ROBO2: variants seen among roughly 807,000 people sequenced by gnomAD.
The protein encoded by ROBO2 is roundabout homolog 2.
In ROBO2, 53 loss-of-function variants were observed where a neutral mutation model predicts 160.8. That is an observed-to-expected ratio of 0.33 (90% confidence interval 0.26 to 0.41). The LOEUF is 0.41. Ranked by LOEUF, ROBO2 falls within the 10% of genes least tolerant of loss-of-function variation. The pLI is 1.00. For missense variants in ROBO2, 1,577 were observed against 1,722.4 expected (o/e 0.92, Z 1.49); for synonymous variants, 664 against 611.7 (o/e 1.09, Z -1.26).
At chr3:77,319,505 G>T (rs2064438454) in intron 2 of ROBO2, among the ~76,000 whole-genome samples, 1 of 152,084 alleles carries the variant, frequency 6.6e-6, no homozygotes. Flanking sequence ...CTAGGCCTTT[G>T]TCTGGTCATT....
intron 2 of ROBO2, among the ~76,000 whole-genome samples, chr3:77,182,524 C>T (rs1197660932): frequency 2.6e-5 from 4 of 151,976 alleles, no homozygotes; most frequent in South Asian, 2.1e-4. Context: ...AATTCGAGCC[C>T]GTTCTTTTGA....
At chr3:76,461,711 A>G (rs977425589) in intron 2 of ROBO2, among the ~76,000 whole-genome samples, 1 of 152,198 alleles carries the variant, frequency 6.6e-6, no homozygotes, top group Non-Finnish European at 1.5e-5. Context: ...GAAATGTATC[A>G]CCTATACTTT....
At chr3:75,971,029 T>C (rs2064976778) in intron 2 of ROBO2, among the ~76,000 whole-genome samples, 1 of 151,382 alleles carries the variant, frequency 6.6e-6, no homozygotes. Context: ...TAATGGAGAA[T>C]ATTTAAAAGG....
chr3:76,543,377 C>T (rs1478050617), intron 2 of ROBO2, among the ~76,000 whole-genome samples: 1 of 152,128 alleles, frequency 6.6e-6, no homozygotes, highest in Non-Finnish European at 1.5e-5. Flanking sequence ...CATCCAGTAA[C>T]AACATACACA....
At chr3:76,401,900 G>A (rs2108762309) in intron 2 of ROBO2, among the ~76,000 whole-genome samples, 1 of 151,532 alleles carries the variant, frequency 6.6e-6, no homozygotes, top group South Asian at 2.1e-4. Flanking sequence ...TCATAGCCTA[G>A]AATACAAAGA....
chr3:77,029,555 T>C (rs1405542532), intron 2 of ROBO2, among the ~76,000 whole-genome samples: 1 of 152,220 alleles, frequency 6.6e-6, no homozygotes, highest in African/African-American at 2.4e-5. Flanking sequence ...TGTGATAACC[T>C]TTACTACATT....
intron 2 of ROBO2, among the ~76,000 whole-genome samples, chr3:76,382,788 G>A (rs2076701501): frequency 6.6e-6 from 1 of 152,108 alleles, no homozygotes; most frequent in Non-Finnish European, 1.5e-5. Context: ...GGTTTTCAAG[G>A]GAAACACTCC....
intron 2 of ROBO2, among the ~76,000 whole-genome samples, chr3:77,252,807 C>CAAAAAAAAAAAAAAAAAAA (rs1182786373): frequency 3.1e-5 from 1 of 32,056 alleles, no homozygotes; most frequent in African/African-American, 1.4e-4. Flanking sequence ...GACTCCATCT[C>CAAAAAAAAAAAAAAAAAAA]AAAAAAAAAA....
intron 2 of ROBO2, among the ~76,000 whole-genome samples, chr3:77,253,434 A>G (rs868707528): frequency 2.0e-5 from 3 of 152,194 alleles, no homozygotes; most frequent in African/African-American, 7.2e-5. Flanking sequence ...TAACCTGCAA[A>G]GTTTAATATT....
At chr3:77,635,795 G>A (rs576810454) in intron 24 of ROBO2, among the ~76,000 whole-genome samples, 2 of 152,106 alleles carry the variant, frequency 1.3e-5, no homozygotes, top group South Asian at 4.1e-4. Flanking sequence ...GCATAACAAC[G>A]AAATCACCTA....
intron 23 of ROBO2, among the ~76,000 whole-genome samples, chr3:77,623,913 C>A (rs551476793): frequency 4.9e-4 from 75 of 152,210 alleles, no homozygotes; most frequent in Non-Finnish European, 9.3e-4. Flanking sequence ...ATGATAAATA[C>A]GTCTATAAAT....
chr3:76,773,172 A>T lies in ROBO2; in HGVS notation c.110-324842A>T, dbSNP rs1013427434. Among the ~76,000 whole-genome samples, 2 of 151,186 alleles carry T rather than the reference A, an allele frequency of 1.3e-5. 1 individual carries two copies. The highest frequency in any genetic ancestry group is 4.1e-4 in the South Asian group (2 of 4,820). Reference sequence around the variant, plus strand: ...CTCTTAATCAATAATAAAATGCAGCATTTAGTCACAACATGATTAAATCTG... The same window carrying T: ...CTCTTAATCAATAATAAAATGCAGCTTTTAGTCACAACATGATTAAATCTG... On this transcript the variant is annotated intron_variant, in intron 2 of 26. Coordinates refer to the ROBO2 transcript ENST00000487694.
At chr3:76,304,001 C>T (rs901256510) in intron 2 of ROBO2, among the ~76,000 whole-genome samples, 3 of 152,096 alleles carry the variant, frequency 2.0e-5, no homozygotes, top group Admixed American at 1.3e-4. Flanking sequence ...AACTATTTCT[C>T]GATAACAGTG....
At chr3:75,997,365 C>T (rs2065758315) in intron 2 of ROBO2, among the ~76,000 whole-genome samples, 1 of 152,064 alleles carries the variant, frequency 6.6e-6, no homozygotes, top group Non-Finnish European at 1.5e-5. Flanking sequence ...ATCTGGGAAG[C>T]TCTTAAAAAT....
intron 1 of ROBO2, among the ~76,000 whole-genome samples, chr3:77,073,540 A>G (rs927929517): frequency 6.6e-6 from 1 of 152,160 alleles, no homozygotes; most frequent in Non-Finnish European, 1.5e-5. Context: ...AAGGGCTCTC[A>G]TTTTTCACCC....
intron 12 of ROBO2, among the ~76,000 whole-genome samples, chr3:77,566,209 G>A (rs550671585): frequency 1.1e-4 from 17 of 152,110 alleles, no homozygotes; most frequent in East Asian, 3.9e-4. Flanking sequence ...AAGTCACCAC[G>A]TGACTTTGTA....
At chr3:77,148,319 A>T (rs576352856) in intron 2 of ROBO2, among the ~76,000 whole-genome samples, 1 of 152,328 alleles carries the variant, frequency 6.6e-6, no homozygotes, top group East Asian at 1.9e-4. Flanking sequence ...TGGCTGTTTA[A>T]GCAGAGGACA....
At chr3:76,032,086 A>T (rs937835662) in intron 2 of ROBO2, among the ~76,000 whole-genome samples, 1 of 152,052 alleles carries the variant, frequency 6.6e-6, no homozygotes, top group Non-Finnish European at 1.5e-5. Context: ...TAGTCTTGGG[A>T]GGGTGTATGT....
At chr3:76,565,430 G>C (rs1284601670) in intron 2 of ROBO2, among the ~76,000 whole-genome samples, 3 of 152,246 alleles carry the variant, frequency 2.0e-5, no homozygotes, top group Non-Finnish European at 2.9e-5. Context: ...CCACAGGATA[G>C]TAACTCTAAA....
Sources: allele counts gnomAD v4.1 joint callset (sites outside exome capture counted in the v4.1 genomes callset), GRCh38; gene constraint gnomAD v4.1.1; transcripts MANE v1.5; gene names NCBI Gene and HGNC (gene_info 2026-07-23, HGNC 2026-07-21).